Variants in RORA observed in about 807,000 individuals in gnomAD.
RORA encodes the protein RAR related orphan receptor A, also known as nuclear receptor ROR-alpha.
RORA carries 7 observed loss-of-function variants against 69.5 expected under a neutral mutation model. The observed-to-expected ratio is 0.10, with a 90% confidence interval of 0.06 to 0.19. RORA has a LOEUF of 0.19. RORA is among the 10% of genes least tolerant of loss of function. The probability of loss-of-function intolerance (pLI) is 1.00; values close to 1 mark genes in which losing one functional copy is unlikely to be tolerated. For synonymous variants in RORA, 261 were observed against 240.8 expected (o/e 1.08, Z -0.78); for missense variants, 457 against 663.0 (o/e 0.69, Z 3.41).
At chr15:60,869,465 T>C (rs193034901) in intron 1 of RORA, among the ~76,000 whole-genome samples, 1 of 152,294 alleles carries the variant, frequency 6.6e-6, no homozygotes, top group Admixed American at 6.5e-5. Flanking sequence ...ATGTTTCAGC[T>C]TAATACTCCT....
intron 1 of RORA, among the ~76,000 whole-genome samples, chr15:60,789,534 T>C (rs1164838125): frequency 6.6e-6 from 1 of 152,248 alleles, no homozygotes; most frequent in Non-Finnish European, 1.5e-5. Flanking sequence ...CGACTATCCA[T>C]ACCGTTTCTT....
chr15:61,094,481 G>A lies in RORA; in HGVS notation c.166+134572C>T, dbSNP rs73430840. 2.8e-3 allele frequency among the ~76,000 whole-genome samples: 420 copies of A among 152,288 alleles called. 2 individuals carry two copies. Among genetic ancestry groups the A allele is most frequent in the African/African-American group, 9.4e-3 (389 of 41,570 alleles). On this transcript the variant is annotated intron_variant, in intron 1 of 10. Coordinates refer to ENST00000335670, the MANE Select transcript of RORA (RefSeq NM_134261.3). Reference sequence around the variant, plus strand: ...TACAGAGCTCAGCCCTGCTCCAGCCGTAGGCGATGCCCATCCAATGAATAT... The same window carrying A: ...TACAGAGCTCAGCCCTGCTCCAGCCATAGGCGATGCCCATCCAATGAATAT...
chr15:61,032,807 T>C (rs1225117571), intron 1 of RORA, among the ~76,000 whole-genome samples: 1 of 152,192 alleles, frequency 6.6e-6, no homozygotes, highest in African/African-American at 2.4e-5. Context: ...GGGATCCTTC[T>C]GCATAAGGCC....
At chr15:61,153,006 A>C (rs1271583753) in intron 1 of RORA, among the ~76,000 whole-genome samples, 1 of 152,118 alleles carries the variant, frequency 6.6e-6, no homozygotes, top group Non-Finnish European at 1.5e-5. Flanking sequence ...GTCACAATTG[A>C]ACTGGCCTTT....
At chr15:60,590,179 C>A (rs1010128010) in intron 2 of RORA, among the ~76,000 whole-genome samples, 3 of 146,812 alleles carry the variant, frequency 2.0e-5, no homozygotes, top group South Asian at 2.3e-4. Context: ...TCCTCTATCT[C>A]TCTCTCTCTC....
chr15:60,737,062 C>A (rs888011407), intron 1 of RORA, among the ~76,000 whole-genome samples: 1 of 152,142 alleles, frequency 6.6e-6, no homozygotes, highest in Admixed American at 6.5e-5. Context: ...AGACCTGAAC[C>A]CCTGCAGTGC....
intron 1 of RORA, among the ~76,000 whole-genome samples, chr15:60,788,429 A>C (rs1205572308): frequency 6.6e-6 from 1 of 152,154 alleles, no homozygotes; most frequent in East Asian, 1.9e-4. Flanking sequence ...TTTTAGTGGG[A>C]AGTTAAGGGT....
chr15:61,075,214 G>A (rs1339386839), intron 1 of RORA, among the ~76,000 whole-genome samples: 3 of 152,116 alleles, frequency 2.0e-5, no homozygotes, highest in South Asian at 2.1e-4. Context: ...GGGGCACTGT[G>A]AAAAAGTTCC....
chr15:61,169,349 C>T (rs1307590541), intron 1 of RORA, among the ~76,000 whole-genome samples: 1 of 151,958 alleles, frequency 6.6e-6, no homozygotes, highest in Non-Finnish European at 1.5e-5. Flanking sequence ...CAATCTGGAG[C>T]TTGGCTCTTT....
intron 1 of RORA, among the ~76,000 whole-genome samples, chr15:61,024,270 C>CTTTTTT (rs34008494): frequency 2.4e-4 from 19 of 79,408 alleles, no homozygotes; most frequent in South Asian, 5.8e-4. Flanking sequence ...TCTTGGATCT[C>CTTTTTT]TTTTTTTTTT....
At chr15:61,074,664 G>A (rs896137632) in intron 1 of RORA, among the ~76,000 whole-genome samples, 3 of 152,180 alleles carry the variant, frequency 2.0e-5, no homozygotes, top group African/African-American at 7.2e-5. Flanking sequence ...CCAAGGGAAA[G>A]TTCATGAGGG....
chr15:60,665,759 C>T (rs1231831205), intron 2 of RORA, among the ~76,000 whole-genome samples: 1 of 152,112 alleles, frequency 6.6e-6, no homozygotes, highest in East Asian at 1.9e-4. Flanking sequence ...ACTGCAACCT[C>T]CATCTCCCGG....
chr15:61,184,263 T>C (rs182225195), intron 1 of RORA, among the ~76,000 whole-genome samples: 106 of 152,334 alleles, frequency 7.0e-4, no homozygotes, highest in African/African-American at 2.4e-3. Flanking sequence ...TGAGAAGCAA[T>C]AGCTATTCAC....
intron 2 of RORA, among the ~76,000 whole-genome samples, chr15:60,632,167 C>A (rs987172062): frequency 6.6e-6 from 1 of 151,044 alleles, no homozygotes; most frequent in Non-Finnish European, 1.5e-5. Context: ...AGTGCAGTGG[C>A]GCATCCTGGC....
chr15:61,137,290 T>C (rs2079254883), intron 1 of RORA, among the ~76,000 whole-genome samples: 1 of 152,194 alleles, frequency 6.6e-6, no homozygotes, highest in Non-Finnish European at 1.5e-5. Flanking sequence ...CCTCTGTAGC[T>C]CATACAATAC....
At chr15:60,793,527 G>A (rs1275705247) in intron 1 of RORA, among the ~76,000 whole-genome samples, 1 of 136,084 alleles carries the variant, frequency 7.3e-6, no homozygotes, top group Non-Finnish European at 1.6e-5. Context: ...TCAATATATT[G>A]ATGCTGGATG....
At chr15:60,809,266 G>A (rs2072708241) in intron 1 of RORA, among the ~76,000 whole-genome samples, 1 of 152,164 alleles carries the variant, frequency 6.6e-6, no homozygotes, top group Admixed American at 6.6e-5. Context: ...TATCAAACTT[G>A]AATTGGTAAA....
chr15:60,857,382 C>T (rs1387498551), intron 1 of RORA, among the ~76,000 whole-genome samples: 1 of 149,298 alleles, frequency 6.7e-6, no homozygotes, highest in Non-Finnish European at 1.5e-5. Flanking sequence ...GCTCATGCAC[C>T]CCAAATGGAA....
intron 1 of RORA, among the ~76,000 whole-genome samples, chr15:60,729,193 A>G (rs748083720): frequency 6.6e-6 from 1 of 150,790 alleles, no homozygotes; most frequent in Non-Finnish European, 1.5e-5. Context: ...ACCCCACCCC[A>G]TATTCTGAGT....
Sources: allele counts gnomAD v4.1 joint callset (sites outside exome capture counted in the v4.1 genomes callset), GRCh38; gene constraint gnomAD v4.1.1; transcripts MANE v1.5; gene names NCBI Gene and HGNC (gene_info 2026-07-23, HGNC 2026-07-21).